GABPA: variants seen among roughly 807,000 people sequenced by gnomAD.
GABPA encodes GA binding protein transcription factor subunit alpha.
A neutral mutation model predicts 59.4 loss-of-function variants in GABPA; 4 were observed. The observed-to-expected ratio is 0.07, with a 90% CI of 0.03 to 0.15. The LOEUF is 0.15. Among genes scored for constraint, GABPA ranks in the 10% least tolerant of loss-of-function variants. The pLI, the probability that GABPA is intolerant of heterozygous loss-of-function variation, is 1.00. For synonymous variants in GABPA, 164 were observed against 183.1 expected, an observed-to-expected ratio of 0.90 and a Z score of 0.84; for missense variants, 251 against 543.8, an observed-to-expected ratio of 0.46 and a Z score of 5.36.
chr21:25,767,154 C>T (rs1474709639), intron 9 of GABPA, among the ~76,000 whole-genome samples: 1 of 151,742 alleles, frequency 6.6e-6, no homozygotes, highest in Non-Finnish European at 1.5e-5. Context: ...ATGATACAGG[C>T]TTGTGTTTAC....
intron 9 of GABPA, among the ~76,000 whole-genome samples, chr21:25,765,881 A>G (rs1391236364): frequency 6.6e-6 from 1 of 151,976 alleles, no homozygotes; most frequent in Non-Finnish European, 1.5e-5. Flanking sequence ...CAGTGCAGCA[A>G]CTTAGTTTAA....
chr21:25,738,599 C>A (rs1162696930), intron 1 of GABPA, among the ~76,000 whole-genome samples: 2 of 152,290 alleles, frequency 1.3e-5, no homozygotes, highest in African/African-American at 4.8e-5. Context: ...CCATTTTCTT[C>A]TGTTTCATAG....
At chr21:25,758,618 A>G (rs74469703) in intron 6 of GABPA, among the ~76,000 whole-genome samples, 2,313 of 152,284 alleles carry the variant, frequency 0.015, 61 homozygotes, top group African/African-American at 0.053. Context: ...GGAAGAGATC[A>G]TTTGTTTACA....
At chr21:25,754,587 C>A (rs1466392473) in intron 5 of GABPA, among the ~76,000 whole-genome samples, 2 of 151,954 alleles carry the variant, frequency 1.3e-5, no homozygotes, top group Non-Finnish European at 2.9e-5. Flanking sequence ...ATCGTGTTTT[C>A]TCCTACTTCT....
chr21:25,762,295 AT>A lies in GABPA; in HGVS notation c.749-12del, dbSNP rs760435592. On this transcript the variant is annotated splice_polypyrimidine_tract_variant and intron_variant, in intron 6 of 9. Coordinates refer to ENST00000400075, the MANE Select transcript of GABPA (RefSeq NM_002040.4). ...TTTTGGTTTTAAATAAAAACAAAAA[AT>A]TTTTGTTTTTTTCAGATGTATTGGC... 38 of 1,481,338 alleles carry A rather than the reference AT, an allele frequency of 2.6e-5. No homozygotes were observed. The highest frequency in any genetic ancestry group is 4.1e-5 in the Admixed American group (2 of 48,834). The allele number at this position is 1,481,338 out of a possible 1,614,324, so 91.8% of individuals were successfully genotyped here.
At chr21:25,738,591 A>G (rs909045467) in intron 1 of GABPA, among the ~76,000 whole-genome samples, 2 of 151,784 alleles carry the variant, frequency 1.3e-5, no homozygotes, top group Admixed American at 1.3e-4. Context: ...TGTCCCCACC[A>G]TTTTCTTCTG....
Position 25,769,564 on chromosome 21 carries a change from A to C in GABPA, c.*332A>C, listed in dbSNP as rs1342037219. The C allele has an allele frequency of 5.5e-6, 1 of 181,308 alleles. No individual in the cohort carries two copies. The highest frequency in any genetic ancestry group is 1.5e-4 in the South Asian group (1 of 6,802). The allele number at this position is 181,308 out of a possible 1,614,324, so 11.2% of individuals were successfully genotyped here. On this transcript the variant is annotated 3_prime_UTR_variant, in exon 10 of 10. Coordinates refer to ENST00000400075, the MANE Select transcript of GABPA (RefSeq NM_002040.4). Reference sequence around the variant, plus strand: ...AGCCAGTAGTATCTGAAAATGAAAAATAAATGAAGTATCTCTAGGAAACAG... The same window carrying C: ...AGCCAGTAGTATCTGAAAATGAAAACTAAATGAAGTATCTCTAGGAAACAG...
intron 9 of GABPA, 139 bp from the exon 10 acceptor site, chr21:25,768,865 T>G (rs1231335348): frequency 5.0e-6 from 3 of 596,562 alleles, no homozygotes; most frequent in Non-Finnish European, 9.1e-6. Flanking sequence ...GCATTAAATA[T>G]TCTACATAGC....
intron 5 of GABPA, among the ~76,000 whole-genome samples, chr21:25,756,486 G>C (rs1213781065): frequency 2.6e-5 from 4 of 152,152 alleles, no homozygotes; most frequent in Non-Finnish European, 5.9e-5. Flanking sequence ...AAACACCCAG[G>C]TGCTACATTG....
chr21:25,736,765 A>G (rs1376249609), intron 1 of GABPA, among the ~76,000 whole-genome samples: 1 of 152,236 alleles, frequency 6.6e-6, no homozygotes, highest in Non-Finnish European at 1.5e-5. Context: ...CCTTCACCTG[A>G]GGGTCCCAAC....
intron 5 of GABPA, among the ~76,000 whole-genome samples, chr21:25,753,667 G>A (rs1275140779): frequency 6.6e-6 from 1 of 152,110 alleles, no homozygotes; most frequent in Admixed American, 6.6e-5. Flanking sequence ...TAGAGTTGGC[G>A]AGACAAAACA....
intron 9 of GABPA, among the ~76,000 whole-genome samples, chr21:25,766,049 A>G (rs1236919077): frequency 6.6e-6 from 1 of 152,024 alleles, no homozygotes; most frequent in African/African-American, 2.4e-5. Flanking sequence ...AGTTACAGTA[A>G]TAAGACAGTT....
intron 9 of GABPA, among the ~76,000 whole-genome samples, chr21:25,768,680 G>C (rs1000782457): frequency 4.6e-5 from 7 of 151,990 alleles, no homozygotes; most frequent in African/African-American, 1.7e-4. Flanking sequence ...CAAAGCTCTT[G>C]TTCTTAGGCT....
chr21:25,758,116 A>G lies in GABPA; in HGVS notation c.660A>G (p.Arg220=). The G allele has an allele frequency of 6.2e-7, 1 of 1,611,704 alleles. No homozygotes were observed. The highest frequency in any genetic ancestry group is 8.5e-7 in the Non-Finnish European group (1 of 1,178,994). The part of the protein sequence containing the change: ...IDLTTLNISG[R]ELCSLNQEDF... ...TCACCACACTCAACATTTCGGGGAGAGAATTATGTAGTCTCAACCAAGAAG... is the reference window on the plus strand; with the variant it reads ...TCACCACACTCAACATTTCGGGGAGGGAATTATGTAGTCTCAACCAAGAAG... The change falls in exon 6 of 10, where the codon AGA becomes AGG. Residue 220 remains arginine (R), a synonymous_variant. Transcript: ENST00000400075.
intron 6 of GABPA, among the ~76,000 whole-genome samples, chr21:25,759,201 C>T (rs1220625516): frequency 6.6e-6 from 1 of 152,192 alleles, no homozygotes; most frequent in Non-Finnish European, 1.5e-5. Flanking sequence ...GAAAGCAACC[C>T]ATTCCTTGAC....
chr21:25,752,380 C>T lies in GABPA; in HGVS notation c.553+146C>T, dbSNP rs932840187. The T allele has an allele frequency of 1.4e-5, 12 of 874,004 alleles. No homozygotes were observed. In the African/African-American group the frequency reaches 1.9e-4, roughly 14 times the overall value. The allele number at this position is 874,004 out of a possible 1,614,324, so 54.1% of individuals were successfully genotyped here. On this transcript the variant is annotated intron_variant, in intron 5 of 9. Coordinates refer to ENST00000400075, the MANE Select transcript of GABPA (RefSeq NM_002040.4). ...CTGTATCTCTCTTTTAATTGTAACG[C>T]ACATTTAAGCTCATGTGGTGGACAA...
chr21:25,764,184 A>G, intron 7 of GABPA, 26 bp from the exon 8 acceptor site: 1 of 1,533,076 alleles, frequency 6.5e-7, no homozygotes, highest in East Asian at 2.3e-5. Flanking sequence ...GGAAGAAAAA[A>G]AATTTCTCCT....
rs574295078 is a variant in GABPA at position 25,748,163 on chromosome 21, C to T, written c.223-873C>T. Among the ~76,000 whole-genome samples the T allele has an allele frequency of 4.6e-5, 7 of 152,290 alleles. No homozygotes were observed. The South Asian group carries it at 1.5e-3, about 32-fold the overall frequency. ...TCAGGTGATCCACCTGCCTTGGACT[C>T]CCAAAGTGCTGGGATTACAAGTGTG... is the stretch of plus-strand genomic sequence containing the variant. On this transcript the variant is annotated intron_variant, in intron 3 of 9. Coordinates refer to ENST00000400075, the MANE Select transcript of GABPA (RefSeq NM_002040.4).
In GABPA at chr21:25,769,814, G is replaced by T. The variant is rs1227858410; in HGVS notation, c.*582G>T. The T allele has an allele frequency of 6.6e-6, 1 of 152,562 alleles. No individual in the cohort carries two copies. The highest frequency in any genetic ancestry group is 1.5e-5 in the Non-Finnish European group (1 of 68,028). The allele number at this position is 152,562 out of a possible 1,614,324, so 9.5% of individuals were successfully genotyped here. On this transcript the variant is annotated 3_prime_UTR_variant, in exon 10 of 10. Coordinates refer to ENST00000400075, the MANE Select transcript of GABPA (RefSeq NM_002040.4). ...ATTTGCAAGCAAAGGACAGTAAGAAGTTGACTGGCAAAAGAGCAGTGCTGA... is the reference window on the plus strand; with the variant it reads ...ATTTGCAAGCAAAGGACAGTAAGAATTTGACTGGCAAAAGAGCAGTGCTGA...
Sources: allele counts gnomAD v4.1 joint callset (sites outside exome capture counted in the v4.1 genomes callset), GRCh38; gene constraint gnomAD v4.1.1; transcripts MANE v1.5; gene names NCBI Gene and HGNC (gene_info 2026-07-23, HGNC 2026-07-21).